Variants in GGNBP2 observed in about 807,000 individuals in gnomAD.
The protein encoded by GGNBP2 is gametogenetin-binding protein 2.
In GGNBP2, 10 loss-of-function variants were observed where a neutral mutation model predicts 85.9. That is an observed-to-expected ratio of 0.12 (90% CI 0.07 to 0.20). The LOEUF (loss-of-function observed/expected upper bound fraction) is 0.20. Ranked by LOEUF, GGNBP2 falls within the 10% of genes least tolerant of loss-of-function variation. The pLI, the probability that GGNBP2 is intolerant of heterozygous loss-of-function variation, is 1.00. For missense variants in GGNBP2, 595 were observed against 857.8 expected (o/e 0.69, Z 3.83); for synonymous variants, 287 against 285.7 (o/e 1.00, Z -0.05).
intron 7 of GGNBP2, 186 bp downstream of exon 7, chr17:36,578,372 G>C (rs1357972493): frequency 1.9e-6 from 1 of 537,328 alleles, no homozygotes; most frequent in East Asian, 3.0e-5. Flanking sequence ...GGGAAAAACT[G>C]TTCTCTGGTG....
At chr17:36,554,201 C>G (rs1490454544) in intron 2 of GGNBP2, among the ~76,000 whole-genome samples, 1 of 149,532 alleles carries the variant, frequency 6.7e-6, no homozygotes, top group East Asian at 2.0e-4. Flanking sequence ...CCCAGCTACT[C>G]GCGAGGCTGA....
At chr17:36,565,206 T>C (rs1169503796) in intron 5 of GGNBP2, among the ~76,000 whole-genome samples, 3 of 152,162 alleles carry the variant, frequency 2.0e-5, no homozygotes, top group African/African-American at 7.2e-5. Flanking sequence ...ATGAGATAAT[T>C]GGTGATCTTG....
At chr17:36,557,005 G>A (rs2074368679) in intron 3 of GGNBP2, 78 bp from the exon 4 acceptor site, 1 of 1,555,174 alleles carries the variant, frequency 6.4e-7, no homozygotes. Context: ...ACTGCACAAG[G>A]ATAGGAACCA....
chr17:36,560,583 C>T (rs931900726), intron 4 of GGNBP2, among the ~76,000 whole-genome samples, 190 bp from the exon 5 acceptor site: 1 of 143,428 alleles, frequency 7.0e-6, no homozygotes, highest in African/African-American at 2.7e-5. Flanking sequence ...GGGAAGATGG[C>T]TGAGAGTCAG....
At position 36,586,043 on chromosome 17, in the gene GGNBP2, TC is replaced by T; in HGVS notation, c.1493-6del. 1 of 1,613,816 alleles carries T rather than the reference TC, an allele frequency of 6.2e-7. No individual in the cohort carries two copies. The highest frequency in any genetic ancestry group is 1.3e-5 in the African/African-American group (1 of 75,038). On this transcript the variant is annotated splice_polypyrimidine_tract_variant and splice_region_variant and intron_variant, in intron 11 of 13. Transcript: ENST00000613102. ...ACATAAATAAGAAGGATTATTGATTTCTGCAGGTGATGACTCTTGTGTTCAT... is the reference window on the plus strand; with the variant it reads ...ACATAAATAAGAAGGATTATTGATTTTGCAGGTGATGACTCTTGTGTTCAT...
chr17:36,581,284 C>CAA, intron 8 of GGNBP2, 60 bp from the exon 9 acceptor site: 43 of 1,036,312 alleles, frequency 4.1e-5, no homozygotes, highest in African/African-American at 6.7e-5. Context: ...GATTCCGTCT[C>CAA]AAAAAAAAAA....
intron 6 of GGNBP2, chr17:36,577,063 A>G (rs544594004): frequency 1.3e-5 from 2 of 152,324 alleles, no homozygotes; most frequent in Middle Eastern, 6.8e-3. Flanking sequence ...ATACGCATAG[A>G]TGAGCTCATC....
chr17:36,553,192 T>G (rs2074327698), intron 2 of GGNBP2, among the ~76,000 whole-genome samples: 1 of 152,186 alleles, frequency 6.6e-6, no homozygotes, highest in Non-Finnish European at 1.5e-5. Flanking sequence ...AAAAGTTGTC[T>G]TACTACCTAG....
chr17:36,573,626 A>T (rs2074548386), intron 6 of GGNBP2, among the ~76,000 whole-genome samples: 1 of 152,166 alleles, frequency 6.6e-6, no homozygotes, highest in Non-Finnish European at 1.5e-5. Flanking sequence ...GTACCGTTTT[A>T]TATTCCTGCC....
chr17:36,555,005 A>G (rs938672960), intron 3 of GGNBP2, 105 bp downstream of exon 3: 1 of 673,492 alleles, frequency 1.5e-6, no homozygotes, highest in Non-Finnish European at 2.6e-6. Flanking sequence ...AGGTCTTAAT[A>G]TTGCACTGGA....
intron 6 of GGNBP2, among the ~76,000 whole-genome samples, chr17:36,570,179 A>G (rs556733370): frequency 2.9e-4 from 44 of 152,064 alleles, no homozygotes; most frequent in African/African-American, 1.1e-3. Flanking sequence ...GGAGTTTTAG[A>G]CCAGCCTAGA....
intron 6 of GGNBP2, chr17:36,574,599 A>G: frequency 1.8e-6 from 1 of 545,874 alleles, no homozygotes. Flanking sequence ...AGGTAGCTGT[A>G]GGTCTTAGAG....
chr17:36,578,898 A>G (rs1455258775), intron 7 of GGNBP2: 1 of 171,490 alleles, frequency 5.8e-6, no homozygotes, highest in Non-Finnish European at 1.2e-5. Flanking sequence ...AAACCTAAAG[A>G]AGGAAAAAAT....
At chr17:36,581,617 C>T (rs1240750590) in intron 9 of GGNBP2, 79 bp downstream of exon 9, 24 of 1,083,206 alleles carry the variant, frequency 2.2e-5, no homozygotes, top group Admixed American at 2.6e-5. Flanking sequence ...TGGTGGCTCA[C>T]GCCTGTGATC....
In GGNBP2 at chr17:36,564,769, C is replaced by T. The variant is rs189225762; in HGVS notation, c.528-2894C>T. ...CCCCTCCTGCTGCTACATCCCCACC[C>T]CCCATAGCTTTTTTAATTTGTTTAG... On this transcript the variant is annotated intron_variant, in intron 5 of 13. Coordinates refer to ENST00000613102, the MANE Select transcript of GGNBP2 (RefSeq NM_024835.5). Among the ~76,000 whole-genome samples the T allele has an allele frequency of 2.6e-5, 4 of 152,228 alleles. No homozygotes were observed. The East Asian group carries it at 7.7e-4, about 29-fold the overall frequency.
intron 2 of GGNBP2, chr17:36,547,557 A>G (rs1013074576): frequency 9.9e-5 from 15 of 152,230 alleles, no homozygotes; most frequent in East Asian, 7.7e-4. Flanking sequence ...AAAATGGCCA[A>G]CTTTTTAAGT....
Position 36,545,610 on chromosome 17 carries a change from C to T in GGNBP2, c.-106-9C>T, listed in dbSNP as rs1392576108. ...GGGTGCTTACGCTCGCGGGGTTTGG[C>T]TGTTGCAGGCAGGAGCTGGGAGGAG... On this transcript the variant is annotated splice_polypyrimidine_tract_variant and intron_variant, in intron 1 of 13. Coordinates refer to ENST00000613102, the MANE Select transcript of GGNBP2 (RefSeq NM_024835.5). 7.9e-6 allele frequency: 6 copies of T among 763,912 alleles called. No individual in the cohort carries two copies. The highest frequency in any genetic ancestry group is 1.3e-5 in the Non-Finnish European group (6 of 455,282). 47.3% of individuals were successfully genotyped at this position (763,912 alleles called of 1,614,324 possible).
At chr17:36,556,159 C>G (rs1199089320) in intron 3 of GGNBP2, among the ~76,000 whole-genome samples, 1 of 152,212 alleles carries the variant, frequency 6.6e-6, no homozygotes, top group Non-Finnish European at 1.5e-5. Flanking sequence ...TTGCTCATTT[C>G]TCTGCAACAG....
intron 9 of GGNBP2, among the ~76,000 whole-genome samples, chr17:36,583,760 G>C (rs1203538946): frequency 6.6e-6 from 1 of 152,180 alleles, no homozygotes; most frequent in Non-Finnish European, 1.5e-5. Flanking sequence ...ACTGTGCCTG[G>C]CTGGGAGCAG....
Sources: gnomAD v4.1 joint callset for allele counts (sites outside exome capture counted in the v4.1 genomes callset) on GRCh38, gnomAD v4.1.1 for gene constraint, MANE v1.5 for transcripts, NCBI Gene and HGNC (gene_info 2026-07-23, HGNC 2026-07-21) for gene names.